The following GLMN variants were observed in gnomAD, a reference collection of about 807,000 sequenced individuals.
GLMN encodes the protein glomulin, FKBP associated protein.
Under a neutral mutation model 87.8 loss-of-function variants are expected in GLMN, and 75 were observed. The observed-to-expected ratio is 0.85, with a 90% CI of 0.71 to 1.04. GLMN has a LOEUF of 1.04. Ranked by LOEUF, GLMN falls within the 50% of genes least tolerant of loss-of-function variation. The pLI is 0.00. For synonymous variants in GLMN, 206 were observed against 221.6 expected (o/e 0.93, Z 0.63); for missense variants, 588 against 658.8 (o/e 0.89, Z 1.18).
chr1:92,279,647 G>A (rs1017479515), intron 7 of GLMN, among the ~76,000 whole-genome samples: 6 of 152,136 alleles, frequency 3.9e-5, no homozygotes, highest in African/African-American at 7.2e-5. Context: ...GAGGCAGGGC[G>A]GGGCATTGCC....
chr1:92,263,006 ATATTTT>A, intron 15 of GLMN, 80 bp from the exon 16 acceptor site: 1 of 639,930 alleles, frequency 1.6e-6, no homozygotes. Context: ...AACTTTGGTC[ATATTTT>A]TATAATTAGG....
At position 92,288,896 on chromosome 1, in the gene GLMN, T is replaced by C; in HGVS notation, c.632+18A>G. 1.6e-6 allele frequency: 2 copies of C among 1,216,662 alleles called. No individual in the cohort carries two copies. Among genetic ancestry groups the C allele is most frequent in the Non-Finnish European group, 2.4e-6 (2 of 818,024 alleles). 75.4% of individuals were successfully genotyped at this position (1,216,662 alleles called of 1,614,324 possible). On this transcript the variant is annotated intron_variant, in intron 6 of 18. Transcript: ENST00000370360. ...ATTACTTAAGTCCACTGTGAGATGT[T>C]CTTAAAATTATACTTACAATTTCAG... is the stretch of plus-strand genomic sequence containing the variant.
the GLMN span, among the ~76,000 whole-genome samples, chr1:92,352,421 T>C: frequency 6.8e-6 from 1 of 146,402 alleles, no homozygotes; most frequent in Non-Finnish European, 1.5e-5. Context: ...TGGAAAGATG[T>C]GAGTAAGGCT....
the GLMN span, among the ~76,000 whole-genome samples, chr1:92,312,858 G>A: frequency 1.4e-5 from 2 of 146,296 alleles, no homozygotes; most frequent in African/African-American, 2.6e-5. Flanking sequence ...GTCTCACTCT[G>A]TCACCCAGGC....
intron 7 of GLMN, among the ~76,000 whole-genome samples, chr1:92,273,165 C>T (rs2100938303): frequency 6.6e-6 from 1 of 152,250 alleles, no homozygotes; most frequent in African/African-American, 2.4e-5. Flanking sequence ...TTCCAGCCTT[C>T]AGGGACTTAA....
chr1:92,341,705 C>T, the GLMN span, among the ~76,000 whole-genome samples: 12 of 152,182 alleles, frequency 7.9e-5, no homozygotes, highest in African/African-American at 1.7e-4. Flanking sequence ...AGTGCAGTGG[C>T]ATAATCTTGG....
At chr1:92,268,248 C>A (rs529413997) in intron 9 of GLMN, 113 bp from the exon 10 acceptor site, 1 of 649,418 alleles carries the variant, frequency 1.5e-6, no homozygotes, top group East Asian at 2.7e-5. Context: ...AAATGCATAT[C>A]ATTAAGGAGA....
the GLMN span, among the ~76,000 whole-genome samples, chr1:92,340,090 C>T: frequency 1.3e-5 from 2 of 152,042 alleles, no homozygotes; most frequent in Non-Finnish European, 2.9e-5. Context: ...GGAAAATAAG[C>T]CCAAAAAAGT....
chr1:92,278,116 G>C (rs937880787), intron 7 of GLMN, among the ~76,000 whole-genome samples: 1 of 152,168 alleles, frequency 6.6e-6, no homozygotes, highest in African/African-American at 2.4e-5. Flanking sequence ...GCAGGGGGCA[G>C]GGCAGGGAAC....
intron 8 of GLMN, among the ~76,000 whole-genome samples, chr1:92,270,671 A>G (rs2100923487): frequency 6.6e-6 from 1 of 152,194 alleles, no homozygotes; most frequent in African/African-American, 2.4e-5. Flanking sequence ...ATTACATTAT[A>G]AAATTATATA....
At chr1:92,293,336 AC>A (rs1234223187) in intron 3 of GLMN, among the ~76,000 whole-genome samples, 1 of 151,862 alleles carries the variant, frequency 6.6e-6, no homozygotes, top group Non-Finnish European at 1.5e-5. Context: ...AGAAAAGGAA[AC>A]CCTCATATAT....
chr1:92,285,403 G>C (rs185853933), intron 7 of GLMN, among the ~76,000 whole-genome samples: 2 of 152,064 alleles, frequency 1.3e-5, no homozygotes, highest in Non-Finnish European at 2.9e-5. Context: ...TCATTGGTAG[G>C]AGTTGAACAA....
At chr1:92,322,435 T>C in the GLMN span, among the ~76,000 whole-genome samples, 1 of 151,138 alleles carries the variant, frequency 6.6e-6, no homozygotes, top group Non-Finnish European at 1.5e-5. Flanking sequence ...TCCCAGCTAC[T>C]TGGGAGGCTG....
chr1:92,333,270 A>T, the GLMN span: 1 of 698,704 alleles, frequency 1.4e-6, no homozygotes, highest in East Asian at 2.7e-5. Context: ...TCTCAAGTCT[A>T]GTTATTTTCC....
At chr1:92,349,205 GCTTATAAGT>G in the GLMN span, among the ~76,000 whole-genome samples, 2 of 152,252 alleles carry the variant, frequency 1.3e-5, no homozygotes, top group African/African-American at 4.8e-5. Flanking sequence ...AAAACAAACT[GCTTATAAGT>G]CTTTATAGCT....
At chr1:92,286,392 ATTTC>A in intron 7 of GLMN, 94 bp downstream of exon 7, 1 of 618,664 alleles carries the variant, frequency 1.6e-6, no homozygotes, top group Non-Finnish European at 2.9e-6. Flanking sequence ...AAAAATACAC[ATTTC>A]TTTATTAATG....
chr1:92,344,213 C>G, the GLMN span, among the ~76,000 whole-genome samples: 1 of 152,120 alleles, frequency 6.6e-6, no homozygotes, highest in South Asian at 2.1e-4. Context: ...AGTTAGAGAT[C>G]AGCCTGGGCA....
At chr1:92,262,093 A>G (rs572214755) in intron 16 of GLMN, among the ~76,000 whole-genome samples, 34 of 152,312 alleles carry the variant, frequency 2.2e-4, no homozygotes, top group African/African-American at 8.2e-4. Context: ...CAGGAAGGAA[A>G]GAGACTGCTA....
rs767635941 is a variant in GLMN, at chr1:92,262,893, C to T, written c.1443G>A (p.Leu481=). The part of the protein sequence containing the change: ...IMASLNLLRY[L]VIKDNENDNQ... ...TGTCATTTTCATTATCTTTGATAAC[C>T]AAATACCTCAATAAATTTAATGAAG... The change falls in exon 16 of 19, where the codon TTG becomes TTA. Residue 481 remains leucine (L), a synonymous_variant. Coordinates refer to ENST00000370360, the MANE Select transcript of GLMN (RefSeq NM_053274.3). The T allele has an allele frequency of 2.6e-6, 3 of 1,166,488 alleles. No homozygotes were observed. In the South Asian group the frequency reaches 3.7e-5, roughly 14 times the overall value. The allele number at this position is 1,166,488 out of a possible 1,614,324, so 72.3% of individuals were successfully genotyped here.
Sources: allele counts gnomAD v4.1 joint callset (sites outside exome capture counted in the v4.1 genomes callset), GRCh38; gene constraint gnomAD v4.1.1; transcripts MANE v1.5; gene names NCBI Gene and HGNC (gene_info 2026-07-23, HGNC 2026-07-21).